Variants in CCDC192 observed in about 807,000 individuals in gnomAD.
CCDC192 encodes the protein coiled-coil domain containing 192, also known as coiled-coil domain-containing protein 192.
chr5:127,870,257 T>C (rs1022219922), intron 5 of CCDC192, among the ~76,000 whole-genome samples: 11 of 152,324 alleles, frequency 7.2e-5, no homozygotes, highest in African/African-American at 2.6e-4. Flanking sequence ...TCATCAAATC[T>C]TTCCTTTATT....
intron 2 of CCDC192, among the ~76,000 whole-genome samples, chr5:127,737,501 C>T (rs1442212467): frequency 2.0e-5 from 3 of 151,402 alleles, no homozygotes; most frequent in African/African-American, 4.9e-5. Context: ...CTTTCTGTCT[C>T]GTTGATCTGT....
rs116049163 is a variant in CCDC192, at chr5:127,876,196, A to G, written c.535+535A>G. Among the ~76,000 whole-genome samples, 711 of 151,800 alleles carry G rather than the reference A, an allele frequency of 4.7e-3. 4 individuals carry two copies. Among genetic ancestry groups the G allele is most frequent in the African/African-American group, 0.016 (682 of 41,358 alleles). On this transcript the variant is annotated intron_variant, in intron 6 of 6. Transcript: ENST00000514853. Reference sequence around the variant, plus strand: ...ATTGGTTCTGACTTTTTAAAAAAAGACTTCTCCAGCTAACAAATTATAAAC... The same window carrying G: ...ATTGGTTCTGACTTTTTAAAAAAAGGCTTCTCCAGCTAACAAATTATAAAC...
chr5:127,918,875 G>A (rs561173716), intron 6 of CCDC192, among the ~76,000 whole-genome samples: 1 of 151,844 alleles, frequency 6.6e-6, no homozygotes, highest in African/African-American at 2.4e-5. Flanking sequence ...ATATATGTAT[G>A]TGTACATGTG....
At chr5:127,711,163 G>T (rs1264043304) in intron 2 of CCDC192, among the ~76,000 whole-genome samples, 1 of 152,158 alleles carries the variant, frequency 6.6e-6, no homozygotes, top group Non-Finnish European at 1.5e-5. Context: ...AACATATAAT[G>T]TCATTGGTTA....
At chr5:127,890,399 G>C (rs1039810195) in intron 6 of CCDC192, among the ~76,000 whole-genome samples, 6 of 149,434 alleles carry the variant, frequency 4.0e-5, no homozygotes, top group Non-Finnish European at 7.4e-5. Flanking sequence ...GGTGTTTTGA[G>C]ATGCCACTAC....
At chr5:127,751,247 T>A (rs1403567519) in intron 2 of CCDC192, among the ~76,000 whole-genome samples, 1 of 152,230 alleles carries the variant, frequency 6.6e-6, no homozygotes, top group Non-Finnish European at 1.5e-5. Context: ...TTGCAGCAGC[T>A]GGTACCAGTT....
intron 2 of CCDC192, among the ~76,000 whole-genome samples, chr5:127,710,668 T>C (rs962324554): frequency 6.6e-6 from 1 of 152,210 alleles, no homozygotes; most frequent in Non-Finnish European, 1.5e-5. Flanking sequence ...TGAAATTCCC[T>C]GTCCCTCTGA....
intron 3 of CCDC192, chr5:127,784,834 A>G (rs559297045): frequency 1.5e-5 from 7 of 463,096 alleles, no homozygotes; most frequent in South Asian, 1.3e-4. Context: ...AGTCTTCCTC[A>G]ATATTTTTGT....
chr5:127,928,702 A>T (rs1454094127), intron 6 of CCDC192, among the ~76,000 whole-genome samples: 2 of 152,124 alleles, frequency 1.3e-5, no homozygotes, highest in Admixed American at 1.3e-4. Context: ...AGAATTATGG[A>T]TGGAGCTTCC....
rs778430655 is a variant in CCDC192, at chr5:127,884,342, C to CAAAAAAAA, written c.535+8701_535+8708dup. Reference sequence around the variant, plus strand: ...TGGGCGACAGAGCAAGACTCCGTCTCAAAAAAAAAAAAAAAAAAAAAAAAA... The same window carrying CAAAAAAAA: ...TGGGCGACAGAGCAAGACTCCGTCTCAAAAAAAAAAAAAAAAAAAAAAAAAAAAAAAAA... On this transcript the variant is annotated intron_variant, in intron 6 of 6. Coordinates refer to ENST00000514853, the MANE Select transcript of CCDC192 (RefSeq NM_001317938.2). 5.6e-3 allele frequency among the ~76,000 whole-genome samples: 66 copies of CAAAAAAAA among 11,844 alleles called. 2 individuals carry two copies. The highest frequency in any genetic ancestry group is 0.062 in the Middle Eastern group (1 of 16). The allele number at this position is 11,844 out of a possible 152,430, so 7.8% of individuals were successfully genotyped here. A position where few individuals can be genotyped will look rare whatever the true frequency, so the allele number is the denominator to read the frequency against.
At chr5:127,923,620 G>T (rs927820570) in intron 6 of CCDC192, among the ~76,000 whole-genome samples, 15 of 152,096 alleles carry the variant, frequency 9.9e-5, no homozygotes, top group African/African-American at 3.6e-4. Flanking sequence ...CTTGTGATCT[G>T]CCCACCTCGG....
At chr5:127,889,077 CAATA>C (rs1458505457) in intron 6 of CCDC192, among the ~76,000 whole-genome samples, 9 of 152,180 alleles carry the variant, frequency 5.9e-5, no homozygotes, top group Admixed American at 3.3e-4. Context: ...ATTTATTCAT[CAATA>C]AAGCACTACC....
At chr5:127,931,613 TTCACTTGTAGAAAC>T (rs1754031017) in intron 6 of CCDC192, among the ~76,000 whole-genome samples, 1 of 152,104 alleles carries the variant, frequency 6.6e-6, no homozygotes, top group Non-Finnish European at 1.5e-5. Context: ...TCAGCAGAAA[TTCACTTGTAGAAAC>T]CTGGCTGATC....
intron 6 of CCDC192, among the ~76,000 whole-genome samples, chr5:127,878,973 G>A (rs1451210913): frequency 1.3e-5 from 2 of 148,610 alleles, no homozygotes; most frequent in African/African-American, 5.0e-5. Flanking sequence ...AAGCAATTGT[G>A]AATGGGAGTT....
chr5:127,893,353 G>GT (rs1267026414), intron 6 of CCDC192, among the ~76,000 whole-genome samples: 1 of 152,196 alleles, frequency 6.6e-6, no homozygotes, highest in Non-Finnish European at 1.5e-5. Flanking sequence ...CAAGGTGGTT[G>GT]TAAGATTGGG....
intron 5 of CCDC192, among the ~76,000 whole-genome samples, chr5:127,847,274 A>G (rs1750595077): frequency 6.6e-6 from 1 of 152,222 alleles, no homozygotes; most frequent in Non-Finnish European, 1.5e-5. Context: ...GCCATCTGAT[A>G]AAATCAAAAT....
intron 6 of CCDC192, among the ~76,000 whole-genome samples, chr5:127,896,432 T>G (rs1297269810): frequency 7.3e-6 from 1 of 136,090 alleles, no homozygotes. Flanking sequence ...CATTTTCTTC[T>G]TCTTTTTTTT....
At chr5:127,901,933 G>A (rs1382473909) in intron 6 of CCDC192, among the ~76,000 whole-genome samples, 1 of 152,176 alleles carries the variant, frequency 6.6e-6, no homozygotes, top group Non-Finnish European at 1.5e-5. Context: ...AATAAATTGT[G>A]TATATAAGAC....
At chr5:127,732,583 G>A (rs944295419) in intron 2 of CCDC192, among the ~76,000 whole-genome samples, 9 of 152,256 alleles carry the variant, frequency 5.9e-5, no homozygotes, top group East Asian at 1.9e-4. Context: ...GCAAAGACAT[G>A]GAATTAACCC....
Sources: allele counts gnomAD v4.1 joint callset (sites outside exome capture counted in the v4.1 genomes callset), GRCh38; gene constraint gnomAD v4.1.1; transcripts MANE v1.5; gene names NCBI Gene and HGNC (gene_info 2026-07-23, HGNC 2026-07-21).